The following FKTN variants were observed in gnomAD, a reference collection of about 807,000 sequenced individuals.
FKTN encodes ribitol-5-phosphate transferase FKTN.
A neutral mutation model predicts 58.6 loss-of-function variants in FKTN; 47 were observed. That is an observed-to-expected ratio of 0.80 (90% CI 0.63 to 1.02). The LOEUF (loss-of-function observed/expected upper bound fraction) is 1.02, where lower values mean the gene tolerates loss of function less well. Ranked by LOEUF, FKTN falls within the 50% of genes least tolerant of loss-of-function variation. The pLI is 0.00. For synonymous variants in FKTN, 178 were observed against 191.9 expected, an observed-to-expected ratio of 0.93 and a Z score of 0.60; for missense variants, 516 against 537.3, an observed-to-expected ratio of 0.96 and a Z score of 0.39.
At chr9:105,620,100 A>C in intron 10 of FKTN, 39 bp downstream of exon 10, 1 of 1,548,788 alleles carries the variant, frequency 6.5e-7, no homozygotes, top group Non-Finnish European at 8.9e-7. Flanking sequence ...AAGGTACTAC[A>C]GAAATAATTT....
intron 3 of FKTN, among the ~76,000 whole-genome samples, chr9:105,586,630 G>T (rs1246341183): frequency 1.3e-5 from 2 of 152,184 alleles, no homozygotes; most frequent in Non-Finnish European, 2.9e-5. Context: ...TTGAGTTTGG[G>T]CACTACATAG....
At chr9:105,587,446 T>A (rs1298600894) in intron 3 of FKTN, among the ~76,000 whole-genome samples, 2 of 152,208 alleles carry the variant, frequency 1.3e-5, no homozygotes, top group African/African-American at 4.8e-5. Context: ...CTTTTGAATA[T>A]TTTTAGTTGG....
chr9:105,590,063 G>C (rs1415741011), intron 3 of FKTN, among the ~76,000 whole-genome samples: 2 of 152,158 alleles, frequency 1.3e-5, no homozygotes, highest in African/African-American at 4.8e-5. Flanking sequence ...TTTAAAACAA[G>C]TAGCCTGGCC....
At chr9:105,597,435 T>A (rs542741844) in intron 4 of FKTN, among the ~76,000 whole-genome samples, 1 of 152,274 alleles carries the variant, frequency 6.6e-6, no homozygotes, top group Non-Finnish European at 1.5e-5. Context: ...GCTCCCCAGC[T>A]CTCTAGTCTA....
rs1834376804 is a variant in FKTN at position 105,640,877 on chromosome 9, G to A, written c.*5613G>A. 1 of 152,096 alleles carries A rather than the reference G, an allele frequency of 6.6e-6. No individual in the cohort carries two copies. Among genetic ancestry groups the A allele is most frequent in the South Asian group, 2.1e-4 (1 of 4,822 alleles). The allele number at this position is 152,096 out of a possible 1,614,324, so 9.4% of individuals were successfully genotyped here. A position where few individuals can be genotyped will look rare whatever the true frequency, so the allele number is the denominator to read the frequency against. On this transcript the variant is annotated 3_prime_UTR_variant, in exon 11 of 11. Coordinates refer to ENST00000357998, the MANE Select transcript of FKTN (RefSeq NM_001079802.2). ...TATGTTTGTTAAATGAAAATCTTATGTAGCTATTTGTGTGTCCCTCCCACT... is the reference window on the plus strand; with the variant it reads ...TATGTTTGTTAAATGAAAATCTTATATAGCTATTTGTGTGTCCCTCCCACT...
chr9:105,611,526 T>C (rs998887361), intron 7 of FKTN, among the ~76,000 whole-genome samples: 6 of 152,162 alleles, frequency 3.9e-5, no homozygotes, highest in South Asian at 4.2e-4. Context: ...AAAGAACCCA[T>C]TGTGTGTTGT....
chr9:105,604,812 C>T (rs115290503), intron 6 of FKTN, among the ~76,000 whole-genome samples: 1,862 of 151,850 alleles, frequency 0.012, 53 homozygotes, highest in African/African-American at 0.043. Flanking sequence ...AAAAATTATC[C>T]ATGCATTGTG....
At chr9:105,600,538 A>C (rs1034172454) in intron 4 of FKTN, among the ~76,000 whole-genome samples, 1 of 152,068 alleles carries the variant, frequency 6.6e-6, no homozygotes, top group Non-Finnish European at 1.5e-5. Flanking sequence ...CTTACTACCC[A>C]GCAGAGTTAT....
chr9:105,587,071 A>T (rs184813553), intron 3 of FKTN, among the ~76,000 whole-genome samples: 3 of 152,294 alleles, frequency 2.0e-5, no homozygotes, highest in Admixed American at 6.5e-5. Flanking sequence ...GCACAACAGA[A>T]AATCGTCAAA....
chr9:105,604,219 G>T lies in FKTN; in HGVS notation c.374G>T (p.Gly125Val), dbSNP rs142783718. 9.7e-5 allele frequency: 156 copies of T among 1,612,224 alleles called. No homozygotes were observed. Among genetic ancestry groups the T allele is most frequent in the Admixed American group, 1.3e-4 (8 of 60,004 alleles). ...TTGATGCTTCTTTGGTTCTAGGAAG[G>T]CTGGTTTCGGATAGCTGAGAATATG... Reference protein sequence around the residue: ...LQYHLWKNEEGWFRIAENMGF... With the variant: ...LQYHLWKNEEVWFRIAENMGF... Residue 125 changes from glycine (G) to valine (V), a missense_variant, in exon 6 of 11, where the codon GGC (glycine) becomes GTC (valine). Transcript: ENST00000357998.
intron 6 of FKTN, among the ~76,000 whole-genome samples, chr9:105,607,090 T>C (rs1829033260): frequency 6.6e-6 from 1 of 152,018 alleles, no homozygotes; most frequent in Non-Finnish European, 1.5e-5. Flanking sequence ...AGTTCAAAAT[T>C]GTGAGTTACT....
At chr9:105,626,178 T>G (rs914040158) in intron 10 of FKTN, among the ~76,000 whole-genome samples, 1 of 152,180 alleles carries the variant, frequency 6.6e-6, no homozygotes, top group East Asian at 1.9e-4. Flanking sequence ...CTATTATAGG[T>G]GATGCTGTAG....
intron 10 of FKTN, among the ~76,000 whole-genome samples, chr9:105,630,557 G>C (rs1432917523): frequency 6.6e-6 from 1 of 152,040 alleles, no homozygotes. Flanking sequence ...AATAGAAAAA[G>C]AGAAAACTAA....
chr9:105,585,162 T>A (rs1208118181), intron 3 of FKTN, among the ~76,000 whole-genome samples: 2 of 152,190 alleles, frequency 1.3e-5, no homozygotes, highest in African/African-American at 4.8e-5. Context: ...ACCAGGTGCC[T>A]GCCTGTAATC....
intron 6 of FKTN, among the ~76,000 whole-genome samples, chr9:105,605,316 A>G (rs934733128): frequency 2.0e-5 from 3 of 152,162 alleles, no homozygotes; most frequent in Non-Finnish European, 4.4e-5. Flanking sequence ...ATTTTAATAT[A>G]AAGAACAAAT....
intron 3 of FKTN, among the ~76,000 whole-genome samples, chr9:105,586,590 AT>A (rs1228906773): frequency 6.6e-6 from 1 of 152,238 alleles, no homozygotes; most frequent in African/African-American, 2.4e-5. Flanking sequence ...GAAACTCATA[AT>A]TTGATAGACA....
chr9:105,624,623 C>CAAA (rs779770311), intron 10 of FKTN, among the ~76,000 whole-genome samples: 2 of 69,182 alleles, frequency 2.9e-5, no homozygotes. Context: ...AGAGCAAAAC[C>CAAA]AAAAAAAAAA....
chr9:105,619,997 T>G lies in FKTN; in HGVS notation c.1108T>G (p.Phe370Val). 6.2e-7 allele frequency: 1 copy of G among 1,613,028 alleles called. No individual in the cohort carries two copies. The stretch of plus-strand genomic sequence containing the variant: ...TGATGTAAAACTTGATGTTTTTTTC[T>G]TCTATGAAGAAACTGATCACATGTG... ...KDDVKLDVFF[F>V]YEETDHMWNG... The change falls in exon 10 of 11, where the codon TTC (phenylalanine) becomes GTC (valine). Residue 370 changes from phenylalanine (F) to valine (V), a missense_variant. Physicochemically the swap from Phe to Val is conservative, Grantham distance 50 (BLOSUM62 -1). Coordinates refer to ENST00000357998, the MANE Select transcript of FKTN (RefSeq NM_001079802.2).
chr9:105,615,773 C>T (rs1398251084), intron 8 of FKTN, among the ~76,000 whole-genome samples: 1 of 152,102 alleles, frequency 6.6e-6, no homozygotes, highest in Non-Finnish European at 1.5e-5. Context: ...GCTGCTCTTT[C>T]CCTATACATA....
Sources: allele counts gnomAD v4.1 joint callset (sites outside exome capture counted in the v4.1 genomes callset), GRCh38; gene constraint gnomAD v4.1.1; transcripts MANE v1.5; gene names NCBI Gene and HGNC (gene_info 2026-07-23, HGNC 2026-07-21).